The following SCLT1 variants were observed in gnomAD, a reference collection of about 807,000 sequenced individuals.
The protein encoded by SCLT1 is sodium channel and clathrin linker 1.
Under a neutral mutation model 112.8 loss-of-function variants are expected in SCLT1, and 78 were observed. The ratio of observed to expected loss-of-function variants is 0.69; its 90% CI spans 0.58 to 0.83. The LOEUF is 0.83. Ranked by LOEUF, SCLT1 falls within the 40% of genes least tolerant of loss-of-function variation. The pLI is 0.00. For synonymous variants in SCLT1, 257 were observed against 254.7 expected, an observed-to-expected ratio of 1.01 and a Z score of -0.09; for missense variants, 747 against 770.4, an observed-to-expected ratio of 0.97 and a Z score of 0.36.
chr4:129,033,034 A>G (rs1746866881), intron 5 of SCLT1, among the ~76,000 whole-genome samples: 1 of 152,176 alleles, frequency 6.6e-6, no homozygotes, highest in Non-Finnish European at 1.5e-5. Flanking sequence ...ACATGTACAC[A>G]TATGTTTACT....
intron 4 of SCLT1, among the ~76,000 whole-genome samples, chr4:129,040,904 G>C (rs1017819914): frequency 1.3e-5 from 2 of 151,970 alleles, no homozygotes; most frequent in Non-Finnish European, 2.9e-5. Flanking sequence ...AGGCTTTCTA[G>C]CATAGTTTAT....
intron 18 of SCLT1, among the ~76,000 whole-genome samples, chr4:128,923,444 C>CAAAAAAAAAAAAA (rs35945474): frequency 1.2e-5 from 1 of 81,388 alleles, no homozygotes; most frequent in Admixed American, 1.5e-4. Flanking sequence ...GACTCCATCT[C>CAAAAAAAAAAAAA]AAAAAAAAAA....
At chr4:129,037,352 T>C (rs1465337413) in intron 5 of SCLT1, 2 of 152,170 alleles carry the variant, frequency 1.3e-5, no homozygotes, top group African/African-American at 4.8e-5. Flanking sequence ...CAGCTGAAGT[T>C]GTGGATAAGA....
chr4:129,052,055 C>A (rs1279027040), intron 2 of SCLT1, among the ~76,000 whole-genome samples: 2 of 152,094 alleles, frequency 1.3e-5, no homozygotes. Flanking sequence ...GTTAAACCCG[C>A]CTTGCATCCA....
exon 4 of SCLT1, chr4:128,876,541 A>C (rs1408827466): frequency 6.6e-6 from 1 of 152,238 alleles, no homozygotes; most frequent in East Asian, 1.9e-4. Context: ...CAAACTTCAC[A>C]ATTAACTTCA....
intron 5 of SCLT1, among the ~76,000 whole-genome samples, chr4:129,026,846 CA>C (rs1746143791): frequency 6.6e-6 from 1 of 152,030 alleles, no homozygotes; most frequent in Non-Finnish European, 1.5e-5. Flanking sequence ...CAAATAGACG[CA>C]ATAAAAAATG....
intron 1 of SCLT1, among the ~76,000 whole-genome samples, chr4:129,088,312 A>G (rs1752566664): frequency 6.6e-6 from 1 of 152,224 alleles, no homozygotes; most frequent in African/African-American, 2.4e-5. Flanking sequence ...AGCATTTTTA[A>G]AAATCCAGCA....
chr4:129,004,428 A>C (rs1743811364), intron 5 of SCLT1, among the ~76,000 whole-genome samples: 1 of 152,086 alleles, frequency 6.6e-6, no homozygotes, highest in Non-Finnish European at 1.5e-5. Context: ...AAGATCAACA[A>C]TAATACTGAA....
At chr4:129,051,449 G>T (rs756279692) in intron 2 of SCLT1, among the ~76,000 whole-genome samples, 1 of 152,124 alleles carries the variant, frequency 6.6e-6, no homozygotes, top group Non-Finnish European at 1.5e-5. Context: ...TACATCCCTT[G>T]TAAGTTGTAT....
chr4:129,031,583 C>G (rs1273560412), intron 5 of SCLT1, among the ~76,000 whole-genome samples: 1 of 152,120 alleles, frequency 6.6e-6, no homozygotes, highest in African/African-American at 2.4e-5. Flanking sequence ...AGCCCAGAAA[C>G]TCCTTAAGCT....
chr4:128,936,967 G>C, intron 17 of SCLT1, 116 bp from the exon 18 acceptor site: 1 of 492,622 alleles, frequency 2.0e-6, no homozygotes, highest in Non-Finnish European at 3.4e-6. Context: ...AAAATGTTTG[G>C]ATGAGAAAAC....
chr4:129,086,153 A>G (rs967883241), intron 1 of SCLT1, among the ~76,000 whole-genome samples: 1 of 152,118 alleles, frequency 6.6e-6, no homozygotes, highest in Non-Finnish European at 1.5e-5. Context: ...TAAATTATGT[A>G]TTAATAATGA....
At chr4:128,978,418 A>G (rs1287874930) in intron 9 of SCLT1, among the ~76,000 whole-genome samples, 1 of 152,024 alleles carries the variant, frequency 6.6e-6, no homozygotes, top group African/African-American at 2.4e-5. Flanking sequence ...GAAATGGGGG[A>G]AGCAAAAGAA....
chr4:128,963,536 A>G (rs994871930), intron 11 of SCLT1, among the ~76,000 whole-genome samples: 65 of 152,154 alleles, frequency 4.3e-4, no homozygotes, highest in African/African-American at 1.2e-3. Context: ...TCTTCTAACA[A>G]TGTATGGAAA....
intron 2 of SCLT1, among the ~76,000 whole-genome samples, chr4:129,081,869 T>C (rs1187680382): frequency 6.6e-6 from 1 of 152,216 alleles, no homozygotes; most frequent in Non-Finnish European, 1.5e-5. Flanking sequence ...GGTCCACCAA[T>C]AATTATACCT....
At chr4:129,051,505 A>G (rs1049087241) in intron 2 of SCLT1, among the ~76,000 whole-genome samples, 12 of 152,110 alleles carry the variant, frequency 7.9e-5, no homozygotes, top group Non-Finnish European at 1.5e-4. Context: ...ATGGGAGTTC[A>G]CTTATGATTT....
chr4:128,913,687 G>GA (rs1735263372), intron 18 of SCLT1, among the ~76,000 whole-genome samples: 1 of 152,132 alleles, frequency 6.6e-6, no homozygotes, highest in Non-Finnish European at 1.5e-5. Context: ...GAGAGTGGAG[G>GA]ATGATTATCT....
chr4:129,023,779 C>A (rs1337659771), intron 5 of SCLT1, among the ~76,000 whole-genome samples: 1 of 152,194 alleles, frequency 6.6e-6, no homozygotes, highest in African/African-American at 2.4e-5. Flanking sequence ...AGTTCCCTTT[C>A]CTAGTCAAAG....
At chr4:128,883,572 G>A (rs318500), downstream of SCLT1, among the ~76,000 whole-genome samples, 37,463 of 152,006 alleles carry the variant, frequency 0.25, 6,240 homozygotes, top group African/African-American at 0.47. Context: ...AATAAAAAAA[G>A]ATTCCTATGA....
Sources: gnomAD v4.1 joint callset for allele counts (sites outside exome capture counted in the v4.1 genomes callset) on GRCh38, gnomAD v4.1.1 for gene constraint, MANE v1.5 for transcripts, NCBI Gene and HGNC (gene_info 2026-07-23, HGNC 2026-07-21) for gene names.